The following WWOX variants were observed in gnomAD, a reference collection of about 807,000 sequenced individuals.
The protein encoded by WWOX is WW domain containing oxidoreductase.
In WWOX, 69 loss-of-function variants were observed where a neutral mutation model predicts 46.2. The ratio of observed to expected loss-of-function variants is 1.49; its 90% confidence interval spans 1.23 to 1.82. The LOEUF (loss-of-function observed/expected upper bound fraction) is 1.82. WWOX is among the 40% of genes most tolerant of loss of function. WWOX has a pLI of 0.00. For missense variants in WWOX, 919 were observed against 542.6 expected, an observed-to-expected ratio of 1.69 and a Z score of -6.89; for synonymous variants, 359 against 202.6, an observed-to-expected ratio of 1.77 and a Z score of -6.56.
At chr16:78,511,193 C>T (rs538915446) in intron 8 of WWOX, among the ~76,000 whole-genome samples, 4 of 152,292 alleles carry the variant, frequency 2.6e-5, no homozygotes, top group East Asian at 3.9e-4. Context: ...AGACGGCTGT[C>T]ATTAATGTAA....
chr16:78,356,137 A>C (rs1408789523), intron 5 of WWOX, among the ~76,000 whole-genome samples: 1 of 144,576 alleles, frequency 6.9e-6, no homozygotes, highest in African/African-American at 2.5e-5. Context: ...CAGTGAGCCA[A>C]GGTCATGCCA....
At chr16:78,226,855 A>T (rs562041341) in intron 5 of WWOX, among the ~76,000 whole-genome samples, 1 of 152,198 alleles carries the variant, frequency 6.6e-6, no homozygotes, top group Non-Finnish European at 1.5e-5. Context: ...TAAGGATTTC[A>T]TCCAGATAGA....
chr16:78,118,597 A>T (rs151164492), intron 4 of WWOX, among the ~76,000 whole-genome samples: 1 of 152,302 alleles, frequency 6.6e-6, no homozygotes, highest in African/African-American at 2.4e-5. Flanking sequence ...TCCCAAAATA[A>T]TATGGCCCTT....
At chr16:78,802,029 C>G (rs1214376681) in intron 8 of WWOX, among the ~76,000 whole-genome samples, 1 of 151,994 alleles carries the variant, frequency 6.6e-6, no homozygotes, top group Non-Finnish European at 1.5e-5. Flanking sequence ...GCTGGTGTAC[C>G]ATGGTGGCTT....
At chr16:79,004,920 T>C (rs1409457725) in intron 8 of WWOX, among the ~76,000 whole-genome samples, 1 of 152,202 alleles carries the variant, frequency 6.6e-6, no homozygotes, top group East Asian at 1.9e-4. Flanking sequence ...TTCTGGCCTT[T>C]ATGCATTTAG....
chr16:78,712,442 C>T (rs1406077582), intron 8 of WWOX, among the ~76,000 whole-genome samples: 1 of 151,296 alleles, frequency 6.6e-6, no homozygotes, highest in East Asian at 1.9e-4. Flanking sequence ...GCGGAGGTTG[C>T]AGTCAGCCGA....
intron 5 of WWOX, among the ~76,000 whole-genome samples, chr16:78,363,132 G>A (rs984981022): frequency 1.1e-4 from 16 of 152,002 alleles, no homozygotes; most frequent in African/African-American, 3.9e-4. Flanking sequence ...AGTGGTCACT[G>A]TGTGTGTATG....
intron 4 of WWOX, among the ~76,000 whole-genome samples, chr16:78,151,865 G>A (rs898493305): frequency 1.3e-5 from 2 of 152,152 alleles, no homozygotes; most frequent in South Asian, 2.1e-4. Flanking sequence ...TTACGTGCAC[G>A]CTGTTCGGTA....
chr16:79,137,055 C>T (rs774279447), intron 8 of WWOX, among the ~76,000 whole-genome samples: 1 of 152,118 alleles, frequency 6.6e-6, no homozygotes, highest in Non-Finnish European at 1.5e-5. Context: ...AAGGGTTAGT[C>T]GTAGCCCTCC....
At chr16:78,671,584 C>T (rs1198379592) in intron 8 of WWOX, among the ~76,000 whole-genome samples, 1 of 152,128 alleles carries the variant, frequency 6.6e-6, no homozygotes, top group Non-Finnish European at 1.5e-5. Flanking sequence ...ATTGCCGGTA[C>T]TCTCAGAGCC....
rs35079271 is a variant in WWOX, at chr16:78,293,978, G to GAAAAA, written c.517-92854_517-92850dup. On this transcript the variant is annotated intron_variant, in intron 5 of 8. Transcript: ENST00000566780. ...GGCGACAGAGTGAGACTCTGTCTCA[G>GAAAAA]AAAAAAAAAAAAAAAAAAAAAAAAA... is the stretch of plus-strand genomic sequence containing the variant. 3.4e-3 allele frequency among the ~76,000 whole-genome samples: 102 copies of GAAAAA among 30,276 alleles called. 4 individuals carry two copies. Among genetic ancestry groups the GAAAAA allele is most frequent in the East Asian group, 7.7e-3 (8 of 1,036 alleles). The allele number at this position is 30,276 out of a possible 152,430, so 19.9% of individuals were successfully genotyped here.
intron 8 of WWOX, among the ~76,000 whole-genome samples, chr16:79,054,936 C>A (rs1376827670): frequency 6.6e-6 from 1 of 152,174 alleles, no homozygotes; most frequent in Admixed American, 6.5e-5. Flanking sequence ...GCAGCAAATA[C>A]CAAGTGAGAT....
At chr16:78,946,028 A>G (rs2045942391) in intron 8 of WWOX, among the ~76,000 whole-genome samples, 1 of 152,154 alleles carries the variant, frequency 6.6e-6, no homozygotes, top group African/African-American at 2.4e-5. Context: ...TGATCTGCAT[A>G]GCACTTCGCA....
intron 8 of WWOX, among the ~76,000 whole-genome samples, chr16:78,706,798 A>C (rs1012745231): frequency 1.3e-5 from 2 of 152,052 alleles, no homozygotes; most frequent in African/African-American, 2.4e-5. Context: ...CTCAGGATAC[A>C]AACTACCTTT....
intron 8 of WWOX, among the ~76,000 whole-genome samples, chr16:78,905,739 G>A (rs373350018): frequency 2.6e-5 from 4 of 152,100 alleles, no homozygotes; most frequent in Non-Finnish European, 4.4e-5. Flanking sequence ...GATATGAGCC[G>A]ATCAAATGTG....
chr16:78,544,917 C>T (rs1238183560), intron 8 of WWOX, among the ~76,000 whole-genome samples: 1 of 151,340 alleles, frequency 6.6e-6, no homozygotes, highest in Non-Finnish European at 1.5e-5. Context: ...TGGCTCCTGC[C>T]TATAATCCTA....
intron 8 of WWOX, among the ~76,000 whole-genome samples, chr16:78,995,357 G>T (rs1339372059): frequency 1.3e-5 from 2 of 152,080 alleles, no homozygotes; most frequent in African/African-American, 2.4e-5. Context: ...CCTGAGAAGT[G>T]TGCCTGTGGA....
intron 8 of WWOX, among the ~76,000 whole-genome samples, chr16:78,700,969 G>T (rs2048203822): frequency 6.6e-6 from 1 of 152,136 alleles, no homozygotes; most frequent in South Asian, 2.1e-4. Context: ...GGTGTTGTAG[G>T]GGGAAGGAAG....
intron 5 of WWOX, among the ~76,000 whole-genome samples, chr16:78,335,300 G>A (rs986096839): frequency 4.6e-5 from 7 of 152,080 alleles, no homozygotes; most frequent in Non-Finnish European, 8.8e-5. Flanking sequence ...GCAAGCCCCA[G>A]TGTGTGTTAT....
Sources: allele counts gnomAD v4.1 joint callset (sites outside exome capture counted in the v4.1 genomes callset), GRCh38; gene constraint gnomAD v4.1.1; transcripts MANE v1.5; gene names NCBI Gene and HGNC (gene_info 2026-07-23, HGNC 2026-07-21).